Variants in RAD51B observed in about 807,000 individuals in gnomAD.
RAD51B encodes DNA repair protein RAD51 homolog 2.
RAD51B carries 38 observed loss-of-function variants against 42.2 expected under a neutral mutation model. The observed-to-expected ratio is 0.90, with a 90% confidence interval of 0.70 to 1.18. The LOEUF (loss-of-function observed/expected upper bound fraction) is 1.18. Ranked by LOEUF, RAD51B falls within the 50% of genes most tolerant of loss-of-function variation. The pLI is 0.00. For missense variants in RAD51B, 373 were observed against 400.7 expected (o/e 0.93, Z 0.59); for synonymous variants, 154 against 145.2 (o/e 1.06, Z -0.43).
At chr14:68,463,744 A>G (rs2085905853) in intron 9 of RAD51B, among the ~76,000 whole-genome samples, 1 of 152,216 alleles carries the variant, frequency 6.6e-6, no homozygotes, top group Non-Finnish European at 1.5e-5. Flanking sequence ...TGATGTTTGC[A>G]TTGAAGTGTT....
chr14:68,249,949 A>G (rs1248719339), intron 7 of RAD51B, among the ~76,000 whole-genome samples: 1 of 152,218 alleles, frequency 6.6e-6, no homozygotes, highest in East Asian at 1.9e-4. Context: ...AAGCCAGGGG[A>G]AGGTGGTGAG....
chr14:68,117,819 A>G (rs1270010181), intron 7 of RAD51B, among the ~76,000 whole-genome samples: 5 of 152,194 alleles, frequency 3.3e-5, no homozygotes, highest in African/African-American at 4.8e-5. Context: ...CTATTCTTCA[A>G]TGTAGCCACT....
chr14:68,275,415 A>G (rs2081200864), intron 7 of RAD51B, among the ~76,000 whole-genome samples: 1 of 152,186 alleles, frequency 6.6e-6, no homozygotes, highest in South Asian at 2.1e-4. Context: ...GTCATGTTGA[A>G]AAGTAACTGG....
Position 68,123,624 on chromosome 14 carries a change from G to A in RAD51B, c.757-168260G>A, listed in dbSNP as rs1190831584. On this transcript the variant is annotated intron_variant, in intron 7 of 10. Coordinates refer to ENST00000471583, the MANE Select transcript of RAD51B (RefSeq NM_133510.4). ...GGAGATCAAGAGCAGTCTGGCCAAC[G>A]TGGTGAAACCCCATCTCTACTAAAA... is the stretch of plus-strand genomic sequence containing the variant. 2.6e-5 allele frequency among the ~76,000 whole-genome samples: 4 copies of A among 151,964 alleles called. No homozygotes were observed. The East Asian group carries it at 5.8e-4, about 22-fold the overall frequency.
chr14:68,206,129 C>T (rs1224071815), intron 7 of RAD51B, among the ~76,000 whole-genome samples: 2 of 152,114 alleles, frequency 1.3e-5, no homozygotes, highest in Non-Finnish European at 2.9e-5. Flanking sequence ...TTTAAGCCCC[C>T]CCTCTTGCTT....
intron 9 of RAD51B, among the ~76,000 whole-genome samples, chr14:68,442,945 G>A (rs1295351912): frequency 6.6e-6 from 1 of 152,152 alleles, no homozygotes; most frequent in Non-Finnish European, 1.5e-5. Context: ...GACCCAGGTT[G>A]TTGCTCCCCC....
intron 8 of RAD51B, among the ~76,000 whole-genome samples, chr14:68,315,169 T>C (rs1475446179): frequency 6.6e-6 from 1 of 152,240 alleles, no homozygotes; most frequent in Non-Finnish European, 1.5e-5. Flanking sequence ...ATGCATATTC[T>C]CTGGCACAAG....
At chr14:67,856,495 C>T (rs1001443114) in intron 4 of RAD51B, among the ~76,000 whole-genome samples, 12 of 152,022 alleles carry the variant, frequency 7.9e-5, no homozygotes, top group Admixed American at 7.2e-4. Context: ...TAGTTAGATG[C>T]TGGAGGTCAT....
chr14:67,877,284 A>G (rs558999605), intron 5 of RAD51B, among the ~76,000 whole-genome samples: 1 of 152,302 alleles, frequency 6.6e-6, no homozygotes, highest in South Asian at 2.1e-4. Flanking sequence ...GCGGGGTATT[A>G]TGATCTTCAT....
intron 7 of RAD51B, among the ~76,000 whole-genome samples, chr14:68,259,352 A>G (rs573890486): frequency 2.6e-5 from 4 of 152,094 alleles, no homozygotes; most frequent in South Asian, 4.1e-4. Flanking sequence ...CCTAATGCTA[A>G]ATGAGGAGTT....
chr14:68,282,444 G>A (rs1566782966), intron 7 of RAD51B, among the ~76,000 whole-genome samples: 1 of 152,140 alleles, frequency 6.6e-6, no homozygotes, highest in Non-Finnish European at 1.5e-5. Flanking sequence ...TTCTGGACTT[G>A]TTCTTCTTAT....
chr14:67,944,970 A>G (rs1023181214), intron 7 of RAD51B, among the ~76,000 whole-genome samples: 6 of 152,222 alleles, frequency 3.9e-5, no homozygotes, highest in Non-Finnish European at 8.8e-5. Context: ...CCCTTTCACC[A>G]AAAAGAAAGT....
intron 10 of RAD51B, among the ~76,000 whole-genome samples, chr14:68,564,147 C>T (rs888531505): frequency 1.3e-5 from 2 of 152,208 alleles, no homozygotes; most frequent in African/African-American, 4.8e-5. Context: ...GCTAGGCCCT[C>T]ATCAGTTTGG....
chr14:67,828,189 G>A (rs891791694), intron 3 of RAD51B, among the ~76,000 whole-genome samples: 2 of 152,054 alleles, frequency 1.3e-5, no homozygotes, highest in Admixed American at 6.5e-5. Flanking sequence ...ATTCTGATTG[G>A]TGTGAGATGG....
At chr14:67,889,933 TTTCTC>T (rs1355981871) in intron 7 of RAD51B, among the ~76,000 whole-genome samples, 2 of 152,198 alleles carry the variant, frequency 1.3e-5, no homozygotes, top group African/African-American at 2.4e-5. Flanking sequence ...GGTAGAATCT[TTTCTC>T]CTGAAGTTTA....
chr14:68,655,527 G>A lies in RAD51B; in HGVS notation c.*11+4671G>A, dbSNP rs997486491. Among the ~76,000 whole-genome samples, 13 of 152,232 alleles carry A rather than the reference G, an allele frequency of 8.5e-5. No individual in the cohort carries two copies. In the East Asian group the frequency reaches 9.6e-4, roughly 11 times the overall value. On this transcript the variant is annotated intron_variant, in intron 11 of 11. Transcript: ENST00000488612. ...TGAATTGCAAACCTGCTCAGGTCGG[G>A]GGAGAGGGCAGGCGTGTGGGGGAGA...
intron 7 of RAD51B, among the ~76,000 whole-genome samples, chr14:68,099,149 GCTAATCACTTC>G (rs1422594782): frequency 6.6e-6 from 1 of 152,184 alleles, no homozygotes; most frequent in African/African-American, 2.4e-5. Context: ...CTCCCCAGCT[GCTAATCACTTC>G]CTACTCTTTG....
intron 4 of RAD51B, among the ~76,000 whole-genome samples, chr14:67,845,828 C>T (rs1318744188): frequency 1.3e-5 from 2 of 150,848 alleles, no homozygotes; most frequent in African/African-American, 4.9e-5. Flanking sequence ...GTGACTTGCC[C>T]CTTCCCTCTA....
At chr14:68,292,428 T>G (rs912648130) in intron 8 of RAD51B, among the ~76,000 whole-genome samples, 3 of 152,178 alleles carry the variant, frequency 2.0e-5, no homozygotes, top group Non-Finnish European at 2.9e-5. Context: ...GAAAAAAATC[T>G]CCACGCTGGT....
Sources: allele counts gnomAD v4.1 joint callset (sites outside exome capture counted in the v4.1 genomes callset), GRCh38; gene constraint gnomAD v4.1.1; transcripts MANE v1.5; gene names NCBI Gene and HGNC (gene_info 2026-07-23, HGNC 2026-07-21).